The following HMCN2 variants were observed in gnomAD, a reference collection of about 807,000 sequenced individuals.
HMCN2 encodes the protein hemicentin 2.
HMCN2 carries 325 observed loss-of-function variants against 377.5 expected under a neutral mutation model. The ratio of observed to expected loss-of-function variants is 0.86; its 90% CI spans 0.79 to 0.94. HMCN2 has a LOEUF of 0.94. Ranked by LOEUF, HMCN2 falls within the 40% of genes least tolerant of loss-of-function variation. The pLI, the probability that HMCN2 is intolerant of heterozygous loss-of-function variation, is 0.00. For missense variants in HMCN2, 4,543 were observed against 4,725.3 expected (o/e 0.96, Z 1.13); for synonymous variants, 2,007 against 2,046.8 (o/e 0.98, Z 0.53).
At chr9:130,358,316 C>T in intron 35 of HMCN2, 74 bp from the exon 36 acceptor site, 1 of 1,297,336 alleles carries the variant, frequency 7.7e-7, no homozygotes. Flanking sequence ...GGCTCGGCAG[C>T]AGCCTGGCCA....
At chr9:130,376,075 G>A in intron 51 of HMCN2, 86 bp downstream of exon 51, 1 of 393,506 alleles carries the variant, frequency 2.5e-6, no homozygotes, top group Non-Finnish European at 3.5e-6. Flanking sequence ...CACCCTTGGT[G>A]CTCCAGGGAG....
intron 4 of HMCN2, among the ~76,000 whole-genome samples, chr9:130,290,499 C>T (rs917896182): frequency 3.9e-5 from 6 of 152,150 alleles, no homozygotes; most frequent in Non-Finnish European, 7.3e-5. Context: ...GTGATGCTTC[C>T]CTCCTGACCC....
At chr9:130,424,737 A>T in intron 87 of HMCN2, 39 bp from the exon 88 acceptor site, 1 of 1,479,186 alleles carries the variant, frequency 6.8e-7, no homozygotes, top group Non-Finnish European at 9.0e-7. Context: ...TGCCCTGAGG[A>T]TCAGCTCTAA....
intron 4 of HMCN2, among the ~76,000 whole-genome samples, chr9:130,286,711 A>G (rs1419658603): frequency 6.6e-6 from 1 of 152,244 alleles, no homozygotes; most frequent in Non-Finnish European, 1.5e-5. Context: ...CCCCAGAGTC[A>G]GGGAACCTGC....
In HMCN2 at chr9:130,371,082, C is replaced by T. The variant is rs914758025; in HGVS notation, c.7188C>T (p.Phe2396=). ...MGIPPPAIRW[F]RGEEPVSPGE... ...TCCCACCTCCAGCCATCCGCTGGTT[C>T]CGAGGGGAGGAGCCTGTCAGCCCCG... Residue 2396 remains phenylalanine, a synonymous_variant, in exon 46 of 98, where the codon TTC becomes TTT. Coordinates refer to ENST00000683500, the MANE Select transcript of HMCN2 (RefSeq NM_001291815.2). 4.0e-5 allele frequency: 39 copies of T among 985,698 alleles called. No individual in the cohort carries two copies. Among genetic ancestry groups the T allele is most frequent in the Non-Finnish European group, 4.6e-5 (38 of 830,014 alleles). The allele number at this position is 985,698 out of a possible 1,614,324, so 61.1% of individuals were successfully genotyped here.
chr9:130,353,082 T>C lies in HMCN2; in HGVS notation c.4741T>C (p.Tyr1581His), dbSNP rs1321815130. Residue 1581 changes from tyrosine (Y) to histidine (H), a missense_variant, in exon 31 of 98, where the codon TAC becomes CAC. Around this residue, in one of 5 missense-constraint regions of HMCN2, gnomAD observed 1,032 missense variants for 1,285.1 expected, o/e 0.80. Coordinates refer to ENST00000683500, the MANE Select transcript of HMCN2 (RefSeq NM_001291815.2). ...ALLPTSTKVVYTRGGRQLQLG... is the reference protein window; with the variant it reads ...ALLPTSTKVVHTRGGRQLQLG... ...GCTCCCCACCAGCACCAAGGTGGTC[T>C]ACACTAGGGGCGGTCGGCAGTTGCA... 1 of 1,304,236 alleles carries C rather than the reference T, an allele frequency of 7.7e-7. No individual in the cohort carries two copies. Among genetic ancestry groups the C allele is most frequent in the Non-Finnish European group, 1.0e-6 (1 of 988,938 alleles). The allele number at this position is 1,304,236 out of a possible 1,614,324, so 80.8% of individuals were successfully genotyped here. A position where few individuals can be genotyped will look rare whatever the true frequency, so the allele number is the denominator to read the frequency against.
chr9:130,313,774 CTTTTTTTT>C (rs1215426849), intron 15 of HMCN2, among the ~76,000 whole-genome samples: 2 of 81,558 alleles, frequency 2.5e-5, no homozygotes, highest in South Asian at 5.0e-4. Context: ...TGTGTGTCCT[CTTTTTTTT>C]TTTTTTTTTT....
intron 22 of HMCN2, among the ~76,000 whole-genome samples, chr9:130,330,306 C>T (rs947773887): frequency 1.3e-5 from 2 of 152,132 alleles, no homozygotes; most frequent in African/African-American, 2.4e-5. Context: ...GGGAATTCTG[C>T]GGTGTAGTCA....
chr9:130,292,977 T>TCTATCTATCTAC lies in HMCN2; in HGVS notation c.613-1867_613-1866insCCTATCTATCTA, dbSNP rs1554930540. ...ATTGCTCTATCTATCTATCTATCTATCTATCTATCTATCTATCTATCTACC... is the reference window on the plus strand; with the variant it reads ...ATTGCTCTATCTATCTATCTATCTATCTATCTATCTACCTATCTATCTATCTATCTATCTACC... On this transcript the variant is annotated intron_variant, in intron 4 of 97. Transcript: ENST00000683500. Among the ~76,000 whole-genome samples, 163 of 141,832 alleles carry TCTATCTATCTAC rather than the reference T, an allele frequency of 1.1e-3. 2 individuals are homozygous for TCTATCTATCTAC. In the East Asian group the frequency reaches 0.016, roughly 14 times the overall value. 93.0% of individuals were successfully genotyped at this position (141,832 alleles called of 152,430 possible). A position where few individuals can be genotyped will look rare whatever the true frequency, so the allele number is the denominator to read the frequency against.
intron 1 of HMCN2, among the ~76,000 whole-genome samples, chr9:130,267,960 T>G (rs529805771): frequency 6.6e-6 from 1 of 152,354 alleles, no homozygotes; most frequent in South Asian, 2.1e-4. Flanking sequence ...CTGAAGGAGC[T>G]TAGAGATCGT....
rs183178938 is a variant in HMCN2, at chr9:130,418,985, G to C, written c.13175G>C (p.Cys4392Ser). Residue 4392 changes from cysteine (C) to serine (S), a missense_variant, in exon 86 of 98, where the codon TGC becomes TCC. Cys to Ser is a moderately radical substitution (Grantham distance 112). Transcript: ENST00000683500. ...ACTGGGGATGCAGGCACCTACGACT[G>C]CGTCGCTCACAACCTCCTGGGCTCT... is the stretch of plus-strand genomic sequence containing the variant. ...VETGDAGTYD[C>S]VAHNLLGSAT... is the part of the protein sequence containing the mutation. 3 of 1,510,970 alleles carry C rather than the reference G, an allele frequency of 2.0e-6. No homozygotes were observed. In the East Asian group the frequency reaches 7.4e-5, roughly 37 times the overall value. The allele number at this position is 1,510,970 out of a possible 1,614,324, so 93.6% of individuals were successfully genotyped here.
chr9:130,304,543 C>T lies in HMCN2; in HGVS notation c.1544-187C>T, dbSNP rs1390977396. 6.6e-6 allele frequency among the ~76,000 whole-genome samples: 1 copy of T among 152,182 alleles called. No homozygotes were observed. Among genetic ancestry groups the T allele is most frequent in the Admixed American group, 6.5e-5 (1 of 15,276 alleles). On this transcript the variant is annotated intron_variant, in intron 10 of 97. Transcript: ENST00000683500. This position sits in a 1 kb window ranked among gnomAD's most constrained non-coding sequence, Gnocchi z 4.3. ...TAATGGTGGTGGGAGAAGTGACCTC[C>T]CACAGGGGTGATGCCTGATGGTGAG...
chr9:130,395,138 G>GGGGC, intron 70 of HMCN2, 30 bp downstream of exon 70: 2 of 587,036 alleles, frequency 3.4e-6, no homozygotes, highest in South Asian at 1.9e-5. Flanking sequence ...TGGGGGCAGG[G>GGGGC]CCGGGAGGCA....
chr9:130,392,614 G>A lies in HMCN2; in HGVS notation c.10136+496G>A, dbSNP rs550469161. ...GCTTCCCGAATTTGGGAGGCAGGAG[G>A]TCTGGCTTCAGAATGAGATTGGTTG... On this transcript the variant is annotated intron_variant, in intron 66 of 97. Transcript: ENST00000683500. Among the ~76,000 whole-genome samples the A allele has an allele frequency of 2.0e-5, 3 of 152,272 alleles. No individual in the cohort carries two copies. In the East Asian group the frequency reaches 5.8e-4, roughly 29 times the overall value.
chr9:130,364,473 C>A (rs894507286), intron 40 of HMCN2, among the ~76,000 whole-genome samples: 1 of 152,232 alleles, frequency 6.6e-6, no homozygotes, highest in African/African-American at 2.4e-5. Flanking sequence ...TAAGAAATAA[C>A]ACAGGGGGAC....
rs376063417 is a variant in HMCN2, at chr9:130,375,945, A to G, written c.7874A>G (p.Asn2625Ser). ...DAGQYTCVVT[N>S]ELGEAVKNYH... ...GGCCAGTACACCTGCGTGGTCACCA[A>G]TGAGCTCGGGGAGGCCGTGAAAAAC... The change falls in exon 51 of 98, where the codon AAT becomes AGT. Residue 2625 changes from asparagine (N) to serine (S), a missense_variant. Transcript: ENST00000683500. 1.1e-5 allele frequency: 11 copies of G among 985,894 alleles called. No individual in the cohort carries two copies. The East Asian group carries it at 5.7e-4, about 51-fold the overall frequency. The allele number at this position is 985,894 out of a possible 1,614,324, so 61.1% of individuals were successfully genotyped here.
Position 130,360,526 on chromosome 9 carries a change from T to G in HMCN2, c.5872T>G (p.Ser1958Ala), listed in dbSNP as rs1840319352. Residue 1958 changes from serine (S) to alanine (A), a missense_variant, in exon 38 of 98, where the codon TCT becomes GCT. This residue lies in a region of HMCN2 where 1,032 missense variants were observed against 1,285.1 expected (regional missense o/e 0.80). Transcript: ENST00000683500. The surrounding 1 kb of genome is among the most constrained non-coding windows in gnomAD (Gnocchi z 4.7). ...TCTCCGCATTGAGCAAGCCCAGCTT[T>G]CTGATGCTGGGAGCTACCGCTGTGT... ...RVLRIEQAQL[S>A]DAGSYRCVAS... is the part of the protein sequence containing the mutation. The G allele has an allele frequency of 7.7e-7, 1 of 1,304,124 alleles. No homozygotes were observed. Among genetic ancestry groups the G allele is most frequent in the Non-Finnish European group, 1.0e-6 (1 of 988,876 alleles). 80.8% of individuals were successfully genotyped at this position (1,304,124 alleles called of 1,614,324 possible).
Position 130,388,452 on chromosome 9 carries a change from G to A in HMCN2, c.9435G>A (p.Gln3145=). The change falls in exon 62 of 98, where the codon CAG becomes CAA. Residue 3145 remains glutamine (Q), a synonymous_variant. Coordinates refer to ENST00000683500, the MANE Select transcript of HMCN2 (RefSeq NM_001291815.2). Reference sequence around the variant, plus strand: ...ACCCCAAGACAGAGACAGTGAGCCAGGTGGCTGGGAGCCCCCTGGTCCTGA... The same window carrying A: ...ACCCCAAGACAGAGACAGTGAGCCAAGTGGCTGGGAGCCCCCTGGTCCTGA... ...FENPKTETVS[Q]VAGSPLVLTC... is the part of the protein sequence containing the mutation. 6.1e-6 allele frequency: 6 copies of A among 988,034 alleles called. No homozygotes were observed. Among genetic ancestry groups the A allele is most frequent in the Non-Finnish European group, 7.2e-6 (6 of 830,118 alleles). 61.2% of individuals were successfully genotyped at this position (988,034 alleles called of 1,614,324 possible). A position where few individuals can be genotyped will look rare whatever the true frequency, so the allele number is the denominator to read the frequency against.
chr9:130,345,436 TGTG>T (rs1327243474), intron 25 of HMCN2, among the ~76,000 whole-genome samples: 2,393 of 149,940 alleles, frequency 0.016, 25 homozygotes, highest in South Asian at 0.038. Context: ...GTGTGTAGTA[TGTG>T]GTGTGTATGT....
Sources: gnomAD v4.1 joint callset for allele counts (sites outside exome capture counted in the v4.1 genomes callset) on GRCh38, gnomAD v4.1.1 for gene constraint, gnomAD v4.1.1 regional missense constraint, Gnocchi (gnomAD v3.1) non-coding constraint, MANE v1.5 for transcripts, NCBI Gene and HGNC (gene_info 2026-07-23, HGNC 2026-07-21) for gene names.